Variants in PRKG1 observed in about 807,000 individuals in gnomAD.
The protein encoded by PRKG1 is protein kinase cGMP-dependent 1.
In PRKG1, 35 loss-of-function variants were observed where a neutral mutation model predicts 88.1. The ratio of observed to expected loss-of-function variants is 0.40; its 90% CI spans 0.30 to 0.53. The LOEUF (loss-of-function observed/expected upper bound fraction) is 0.53. Among genes scored for constraint, PRKG1 ranks in the 20% least tolerant of loss-of-function variants. The pLI, the probability that PRKG1 is intolerant of heterozygous loss-of-function variation, is 0.59. For synonymous variants in PRKG1, 303 were observed against 292.5 expected (o/e 1.04, Z -0.37); for missense variants, 540 against 839.8 (o/e 0.64, Z 4.41).
intron 1 of PRKG1, among the ~76,000 whole-genome samples, chr10:51,039,559 C>T (rs1304051497): frequency 6.6e-6 from 1 of 151,916 alleles, no homozygotes; most frequent in Non-Finnish European, 1.5e-5. Flanking sequence ...TTGATTGTTT[C>T]CTTTGCTGTG....
In PRKG1 at chr10:51,027,023, C is replaced by T. The variant is rs192874957; in HGVS notation, c.266+35379C>T. The stretch of plus-strand genomic sequence containing the variant: ...TTACTCAAAAAATCCAAATCTCTTA[C>T]TCAGGACTTACTACATAAGTTTTGG... On this transcript the variant is annotated intron_variant, in intron 1 of 17. Coordinates refer to the PRKG1 transcript ENST00000401604. 3.2e-4 allele frequency among the ~76,000 whole-genome samples: 49 copies of T among 152,012 alleles called. No individual in the cohort carries two copies. In the Middle Eastern group the frequency reaches 0.01, roughly 32 times the overall value.
At chr10:51,874,355 G>A (rs560604854) in intron 4 of PRKG1, among the ~76,000 whole-genome samples, 2 of 152,286 alleles carry the variant, frequency 1.3e-5, no homozygotes, top group East Asian at 1.9e-4. Flanking sequence ...TGCAGAAAAC[G>A]TAAAAGTTAG....
intron 9 of PRKG1, among the ~76,000 whole-genome samples, chr10:52,179,842 C>A (rs1242586683): frequency 6.6e-6 from 1 of 152,148 alleles, no homozygotes. Flanking sequence ...GCACTGCCAC[C>A]ACACCTAGCT....
intron 2 of PRKG1, among the ~76,000 whole-genome samples, chr10:51,382,660 C>T (rs1036107208): frequency 2.0e-5 from 3 of 152,092 alleles, no homozygotes; most frequent in Non-Finnish European, 4.4e-5. Context: ...GTCAAAGTGC[C>T]TATTTAAAGT....
rs1186928723 is a variant in PRKG1 at position 51,244,618 on chromosome 10, G to C, written c.478+91288G>C. On this transcript the variant is annotated intron_variant, in intron 2 of 17. Coordinates refer to ENST00000373980, the MANE Select transcript of PRKG1 (RefSeq NM_006258.4). ...AGGGATGAAACACAGTAAGGTTTTT[G>C]TTTTCTTTCCTAACTTTTAAACTTA... Among the ~76,000 whole-genome samples the C allele has an allele frequency of 2.0e-5, 3 of 151,780 alleles. No individual in the cohort carries two copies. In the East Asian group the frequency reaches 5.8e-4, roughly 29 times the overall value.
chr10:52,155,731 G>GGACACACACACA (rs1838074685), intron 8 of PRKG1, among the ~76,000 whole-genome samples: 1 of 27,096 alleles, frequency 3.7e-5, no homozygotes, highest in African/African-American at 7.4e-5. Context: ...TATTGCCATT[G>GGACACACACACA]GACACACACA....
At chr10:51,274,139 AT>A (rs1162991517) in intron 2 of PRKG1, among the ~76,000 whole-genome samples, 2 of 151,796 alleles carry the variant, frequency 1.3e-5, no homozygotes, top group African/African-American at 2.4e-5. Flanking sequence ...TGGTGTCATA[AT>A]TTTTTTTCTG....
chr10:51,511,467 A>G (rs575548748), intron 3 of PRKG1, among the ~76,000 whole-genome samples: 2 of 152,302 alleles, frequency 1.3e-5, no homozygotes, highest in African/African-American at 4.8e-5. Flanking sequence ...TATACAGAAT[A>G]TTTAATGAAG....
chr10:52,016,024 T>G (rs1415353639), intron 5 of PRKG1, among the ~76,000 whole-genome samples: 4 of 152,226 alleles, frequency 2.6e-5, no homozygotes, highest in African/African-American at 9.6e-5. Context: ...AAACTGTCCT[T>G]CATCTTCTTG....
intron 3 of PRKG1, among the ~76,000 whole-genome samples, chr10:51,543,099 G>A (rs1842352140): frequency 6.6e-6 from 1 of 152,162 alleles, no homozygotes; most frequent in South Asian, 2.1e-4. Flanking sequence ...CCCCAGTGCA[G>A]TTGGAAAGCT....
intron 3 of PRKG1, among the ~76,000 whole-genome samples, chr10:51,638,493 C>A (rs1304953179): frequency 6.6e-6 from 1 of 152,142 alleles, no homozygotes; most frequent in East Asian, 1.9e-4. Context: ...ATTATGCATT[C>A]ATCAAATCAT....
chr10:52,117,931 A>T (rs1422189815), intron 7 of PRKG1, among the ~76,000 whole-genome samples: 1 of 152,064 alleles, frequency 6.6e-6, no homozygotes, highest in Non-Finnish European at 1.5e-5. Flanking sequence ...TGGTTTTAAA[A>T]TATTTCCTTT....
At chr10:51,948,882 A>G (rs1265774359) in intron 5 of PRKG1, among the ~76,000 whole-genome samples, 2 of 152,242 alleles carry the variant, frequency 1.3e-5, no homozygotes, top group Non-Finnish European at 2.9e-5. Context: ...TCTTTAAAAC[A>G]TTGATTCAAT....
intron 4 of PRKG1, among the ~76,000 whole-genome samples, chr10:51,831,925 TTGG>T (rs138165824): frequency 0.035 from 5,300 of 152,100 alleles, 291 homozygotes; most frequent in African/African-American, 0.12. Flanking sequence ...TTCTCTCTAG[TTGG>T]TGGGATTATG....
chr10:51,149,306 A>T (rs1023908563), intron 1 of PRKG1, among the ~76,000 whole-genome samples: 1 of 152,114 alleles, frequency 6.6e-6, no homozygotes, highest in Non-Finnish European at 1.5e-5. Flanking sequence ...ATAATGTAGA[A>T]TATCCTTTTA....
intron 3 of PRKG1, among the ~76,000 whole-genome samples, chr10:51,496,256 G>T (rs942538397): frequency 6.6e-6 from 1 of 152,110 alleles, no homozygotes; most frequent in East Asian, 1.9e-4. Flanking sequence ...AGAATAGAGA[G>T]GTTCATTTTA....
intron 9 of PRKG1, among the ~76,000 whole-genome samples, chr10:52,191,575 T>C (rs2132754944): frequency 6.6e-6 from 1 of 152,308 alleles, no homozygotes; most frequent in African/African-American, 2.4e-5. Context: ...TTTGTAAAGG[T>C]TCATTAAACC....
chr10:51,453,712 T>C (rs918787526), intron 2 of PRKG1, among the ~76,000 whole-genome samples: 1 of 152,028 alleles, frequency 6.6e-6, no homozygotes, highest in African/African-American at 2.4e-5. Flanking sequence ...TATTGAGATG[T>C]ATTTTGTGAC....
chr10:51,897,991 A>AC (rs1554853371), intron 4 of PRKG1, among the ~76,000 whole-genome samples: 2 of 151,668 alleles, frequency 1.3e-5, no homozygotes, highest in Non-Finnish European at 2.9e-5. Flanking sequence ...TTGTGACCTG[A>AC]CCCCACCCTT....
Sources: gnomAD v4.1 joint callset for allele counts (sites outside exome capture counted in the v4.1 genomes callset) on GRCh38, gnomAD v4.1.1 for gene constraint, MANE v1.5 for transcripts, NCBI Gene and HGNC (gene_info 2026-07-23, HGNC 2026-07-21) for gene names.